Variants in DNAH8 observed in about 807,000 individuals in gnomAD.
DNAH8 encodes dynein axonemal heavy chain 8.
DNAH8 carries 382 observed loss-of-function variants against 562.1 expected under a neutral mutation model. The observed-to-expected ratio is 0.68, with a 90% CI of 0.63 to 0.74. DNAH8 has a LOEUF of 0.74. Ranked by LOEUF, DNAH8 falls within the 30% of genes least tolerant of loss-of-function variation. The pLI, the probability that DNAH8 is intolerant of heterozygous loss-of-function variation, is 0.00. For synonymous variants in DNAH8, 1,881 were observed against 1,919.4 expected, an observed-to-expected ratio of 0.98 and a Z score of 0.52; for missense variants, 5,203 against 5,620.4, an observed-to-expected ratio of 0.93 and a Z score of 2.37.
chr6:38,805,568 C>A lies in DNAH8; in HGVS notation c.3122C>A (p.Thr1041Asn). 6.3e-7 allele frequency: 1 copy of A among 1,583,116 alleles called. No homozygotes were observed. Among genetic ancestry groups the A allele is most frequent in the Non-Finnish European group, 8.7e-7 (1 of 1,152,490 alleles). The change falls in exon 23 of 93, where the codon ACT becomes AAT. Residue 1041 changes from threonine to asparagine, a missense_variant. Thr to Asn is a moderately conservative substitution (Grantham distance 65, BLOSUM62 0). This residue lies in a region of DNAH8 where 2,176 missense variants were observed against 2,365.1 expected (regional missense o/e 0.92). Transcript: ENST00000327475. ...YEANIVNEFD[T>N]HDKEDEFKKE... ...GCTAATATTGTGAATGAGTTTGATA[C>A]TCATGATAAAGAAGATGAATTTAAA...
intron 8 of DNAH8, chr6:38,744,507 C>G (rs1764770332): frequency 6.6e-6 from 1 of 152,018 alleles, no homozygotes; most frequent in African/African-American, 2.4e-5. Flanking sequence ...ACTGGCTATT[C>G]ATATTTCTTT....
chr6:38,908,932 T>C (rs974105745), intron 64 of DNAH8, among the ~76,000 whole-genome samples: 4 of 152,180 alleles, frequency 2.6e-5, no homozygotes, highest in Non-Finnish European at 5.9e-5. Flanking sequence ...AGCATTTTTA[T>C]TATCACTTAA....
intron 12 of DNAH8, among the ~76,000 whole-genome samples, chr6:38,772,276 C>T (rs1767653424): frequency 6.6e-6 from 1 of 152,134 alleles, no homozygotes; most frequent in South Asian, 2.1e-4. Flanking sequence ...GATCCACCCA[C>T]CTCGACCTCC....
At chr6:39,027,714 T>C (rs1487826769) in intron 92 of DNAH8, among the ~76,000 whole-genome samples, 1 of 152,088 alleles carries the variant, frequency 6.6e-6, no homozygotes, top group African/African-American at 2.4e-5. Context: ...ATGTCCCAGC[T>C]ACTTGGGAGG....
rs993960724 is a variant in DNAH8 at position 38,844,294 on chromosome 6, C to CT, written c.4846-1272dup. Among the ~76,000 whole-genome samples, 11 of 151,994 alleles carry CT rather than the reference C, an allele frequency of 7.2e-5. No homozygotes were observed. In the East Asian group the frequency reaches 7.7e-4, roughly 11 times the overall value. On this transcript the variant is annotated intron_variant, in intron 35 of 92. Coordinates refer to ENST00000327475, the MANE Select transcript of DNAH8 (RefSeq NM_001206927.2). ...ACTTTTGGTTCATGGATATGTTTGTCTTTTTTTTAAGTCTGGCTCTGTTTG... is the reference window on the plus strand; with the variant it reads ...ACTTTTGGTTCATGGATATGTTTGTCTTTTTTTTTAAGTCTGGCTCTGTTTG...
Position 39,012,512 on chromosome 6 carries a change from C to G in DNAH8, c.13589C>G (p.Ser4530Cys), listed in dbSNP as rs761515917. 3.7e-6 allele frequency: 6 copies of G among 1,614,054 alleles called. No individual in the cohort carries two copies. The Admixed American group carries it at 1.0e-4, about 27-fold the overall frequency. Residue 4530 changes from serine to cysteine, a missense_variant, in exon 91 of 93, where the codon TCT becomes TGT. Physicochemically the swap from Ser to Cys is moderately radical, Grantham distance 112. Transcript: ENST00000327475. ...ATACCTCAGCTCTGGAAAAGAGTGT[C>G]TTGGGATTCGTCCACACTGGGCTTC... The part of the protein sequence containing the change: ...ARIPQLWKRV[S>C]WDSSTLGFWF...
Position 38,761,565 on chromosome 6 carries a change from G to A in DNAH8, c.1516-137G>A, listed in dbSNP as rs140275450. 3.5e-3 allele frequency: 1,490 copies of A among 426,050 alleles called. 15 individuals carry two copies. The highest frequency in any genetic ancestry group is 0.028 in the African/African-American group (1,335 of 47,750). 26.4% of individuals were successfully genotyped at this position (426,050 alleles called of 1,614,324 possible). ...CCCACCTTGGCCTCCCAAAGTACTG[G>A]GATTACAGGCATGAGCCACTGCACT... On this transcript the variant is annotated intron_variant, in intron 10 of 92. Coordinates refer to ENST00000327475, the MANE Select transcript of DNAH8 (RefSeq NM_001206927.2).
At chr6:38,921,853 A>C (rs112516262) in intron 71 of DNAH8, among the ~76,000 whole-genome samples, 1,957 of 152,248 alleles carry the variant, frequency 0.013, 36 homozygotes, top group Middle Eastern at 0.037. Context: ...GAGTCCGAAA[A>C]GAGTCAGCGA....
At chr6:38,883,131 C>A in intron 54 of DNAH8, 79 bp downstream of exon 54, 1 of 1,397,132 alleles carries the variant, frequency 7.2e-7, no homozygotes, top group Non-Finnish European at 9.6e-7. Context: ...TTTCTTCCAG[C>A]ACTTTTATAG....
intron 80 of DNAH8, among the ~76,000 whole-genome samples, chr6:38,947,809 G>A (rs188759443): frequency 7.1e-4 from 107 of 151,394 alleles, no homozygotes; most frequent in African/African-American, 2.5e-3. Flanking sequence ...GTGCAATGGC[G>A]CAATCTCAGC....
At chr6:38,960,116 A>C (rs1390878905) in intron 82 of DNAH8, among the ~76,000 whole-genome samples, 1 of 152,098 alleles carries the variant, frequency 6.6e-6, no homozygotes, top group Non-Finnish European at 1.5e-5. Flanking sequence ...AAATCAAATC[A>C]AAGTGGATTA....
At chr6:38,866,238 A>G (rs943313347) in intron 45 of DNAH8, among the ~76,000 whole-genome samples, 3 of 152,172 alleles carry the variant, frequency 2.0e-5, no homozygotes, top group Non-Finnish European at 4.4e-5. Context: ...TCAATAACAT[A>G]CTTTAGACCA....
Position 39,012,431 on chromosome 6 carries a change from A to C in DNAH8, c.13525-17A>C. The C allele has an allele frequency of 6.2e-7, 1 of 1,610,278 alleles. No homozygotes were observed. The highest frequency in any genetic ancestry group is 1.1e-5 in the South Asian group (1 of 90,894). The stretch of plus-strand genomic sequence containing the variant: ...TTGATGTTTCTTATTCATGTGTTTT[A>C]ACTTTTTCTTCTCCAGAATCTGAGA... On this transcript the variant is annotated splice_polypyrimidine_tract_variant and intron_variant, in intron 90 of 92. Coordinates refer to ENST00000327475, the MANE Select transcript of DNAH8 (RefSeq NM_001206927.2).
chr6:38,989,585 G>A (rs1490020763), intron 87 of DNAH8, among the ~76,000 whole-genome samples: 3 of 152,190 alleles, frequency 2.0e-5, no homozygotes, highest in African/African-American at 7.2e-5. Context: ...GTGAAACTGC[G>A]CACAAGCACA....
intron 56 of DNAH8, 141 bp from the exon 57 acceptor site, chr6:38,886,650 G>GA: frequency 1.4e-6 from 1 of 702,308 alleles, no homozygotes; most frequent in Non-Finnish European, 2.4e-6. Flanking sequence ...AAATTACCTT[G>GA]AAGGTGATCA....
chr6:38,910,765 C>T (rs1780828448), intron 65 of DNAH8, among the ~76,000 whole-genome samples: 1 of 151,296 alleles, frequency 6.6e-6, no homozygotes, highest in African/African-American at 2.4e-5. Flanking sequence ...ACATATATGC[C>T]CAAGATCTTA....
At chr6:38,843,494 A>G (rs1718864001) in intron 35 of DNAH8, among the ~76,000 whole-genome samples, 1 of 152,106 alleles carries the variant, frequency 6.6e-6, no homozygotes, top group East Asian at 1.9e-4. Context: ...AGCATTTTAA[A>G]CATAATTATT....
At position 38,938,087 on chromosome 6, in the gene DNAH8, G is replaced by A. The variant is rs1030570618; in HGVS notation, c.11677G>A (p.Ala3893Thr). ...VAAETEIKIN[A>T]AQEEFRPAAT... ...TGCAGAAACTGAGATCAAGATCAAC[G>A]CGGCTCAGGAGGAGTTCCGGCCCGC... The change falls in exon 78 of 93, where the codon GCG (alanine) becomes ACG (threonine). Residue 3893 changes from alanine to threonine, a missense_variant. Physicochemically the swap from Ala to Thr is moderately conservative, Grantham distance 58 (BLOSUM62 0). Transcript: ENST00000327475. The A allele has an allele frequency of 3.1e-6, 5 of 1,613,868 alleles. No individual in the cohort carries two copies. The highest frequency in any genetic ancestry group is 2.2e-5 in the East Asian group (1 of 44,844).
chr6:38,819,896 CAAAT>C (rs1228413147), intron 26 of DNAH8, among the ~76,000 whole-genome samples: 3 of 151,598 alleles, frequency 2.0e-5, no homozygotes, highest in Admixed American at 2.0e-4. Flanking sequence ...AGGTATTTAA[CAAAT>C]AAATGTAAAA....
Sources: allele counts gnomAD v4.1 joint callset (sites outside exome capture counted in the v4.1 genomes callset), GRCh38; gene constraint gnomAD v4.1.1; regional missense constraint gnomAD v4.1.1; transcripts MANE v1.5; gene names NCBI Gene and HGNC (gene_info 2026-07-23, HGNC 2026-07-21).